The following TNS1 variants were observed in gnomAD, a reference collection of about 807,000 sequenced individuals.
The protein encoded by TNS1 is tensin-1.
In TNS1, 62 loss-of-function variants were observed where a neutral mutation model predicts 168.6. That is an observed-to-expected ratio of 0.37 (90% CI 0.30 to 0.45). The LOEUF is 0.45. TNS1 is among the 20% of genes least tolerant of loss of function. The pLI, the probability that TNS1 is intolerant of heterozygous loss-of-function variation, is 1.00. For missense variants in TNS1, 2,240 were observed against 2,339.4 expected (o/e 0.96, Z 0.88); for synonymous variants, 934 against 933.2 (o/e 1.00, Z -0.02).
Position 217,848,842 on chromosome 2 carries a change from G to A in TNS1, c.1675C>T (p.Pro559Ser). The A allele has an allele frequency of 6.2e-7, 1 of 1,614,016 alleles. No homozygotes were observed. The highest frequency in any genetic ancestry group is 8.5e-7 in the Non-Finnish European group (1 of 1,180,018). ...GASSATAALSPQEKRELDRLL... is the reference protein window; with the variant it reads ...GASSATAALSSQEKRELDRLL... ...CGGTCCAGCTCCCGCTTCTCCTGGG[G>A]ACTCAAGGCAGCAGTGGCACTGGAG... The change falls in exon 19 of 33, where the codon CCC becomes TCC. Residue 559 changes from proline (P) to serine (S), a missense_variant. Pro to Ser is a moderately conservative substitution (Grantham distance 74). This residue lies in a region of TNS1 where 2,131 missense variants were observed against 2,171.2 expected (regional missense o/e 0.98). Coordinates refer to ENST00000682258, the MANE Select transcript of TNS1 (RefSeq NM_001387777.1).
chr2:217,973,561 C>T (rs1957822437), intron 3 of TNS1, among the ~76,000 whole-genome samples: 1 of 152,124 alleles, frequency 6.6e-6, no homozygotes, highest in Non-Finnish European at 1.5e-5. Flanking sequence ...AGATTCCTGG[C>T]TCTGACCCAG....
Position 217,920,151 on chromosome 2 carries a change from G to C in TNS1, c.228+44C>G, listed in dbSNP as rs11883690. On this transcript the variant is annotated intron_variant, in intron 4 of 32. Coordinates refer to ENST00000682258, the MANE Select transcript of TNS1 (RefSeq NM_001387777.1). The stretch of plus-strand genomic sequence containing the variant: ...AAGCTGCAGCTGGGAGCTGCGGAGG[G>C]AGAGGAGGCAGGGCTTGCAGGGCAA... 3,325 of 702,994 alleles carry C rather than the reference G, an allele frequency of 4.7e-3. 75 individuals are homozygous for C. The African/African-American group carries it at 0.051, about 11-fold the overall frequency. The allele number at this position is 702,994 out of a possible 1,614,324, so 43.5% of individuals were successfully genotyped here. A position where few individuals can be genotyped will look rare whatever the true frequency, so the allele number is the denominator to read the frequency against.
intron 3 of TNS1, among the ~76,000 whole-genome samples, chr2:217,958,461 G>A (rs1046170130): frequency 5.3e-5 from 8 of 152,198 alleles, no homozygotes; most frequent in African/African-American, 9.7e-5. Flanking sequence ...GCACGCTGGC[G>A]GTGGGTGGGT....
intron 3 of TNS1, 124 bp from the exon 4 acceptor site, chr2:217,920,360 T>C (rs1410470086): frequency 1.5e-6 from 1 of 666,906 alleles, no homozygotes; most frequent in Non-Finnish European, 2.7e-6. Flanking sequence ...ACCTTCTGGG[T>C]TGAGAGTTCT....
chr2:217,853,108 A>G (rs6436016), intron 18 of TNS1, among the ~76,000 whole-genome samples: 7,332 of 152,010 alleles, frequency 0.048, 579 homozygotes, highest in African/African-American at 0.16. Flanking sequence ...TTCCCTTCTC[A>G]CCATCCACCA....
intron 4 of TNS1, among the ~76,000 whole-genome samples, chr2:217,916,145 G>T (rs1954977667): frequency 6.6e-6 from 1 of 152,176 alleles, no homozygotes; most frequent in African/African-American, 2.4e-5. Flanking sequence ...AAGCTCGGCA[G>T]ATATGAAGTT....
chr2:217,900,249 G>GACTC (rs964511170), intron 7 of TNS1, among the ~76,000 whole-genome samples: 2 of 152,230 alleles, frequency 1.3e-5, no homozygotes, highest in East Asian at 1.9e-4. Flanking sequence ...GGTAAATAAA[G>GACTC]ACTCAGCTCA....
intron 3 of TNS1, among the ~76,000 whole-genome samples, chr2:217,940,261 T>A (rs3791904): frequency 6.6e-6 from 1 of 152,054 alleles, no homozygotes; most frequent in African/African-American, 2.4e-5. Flanking sequence ...CCTCCACCCA[T>A]TTCTGATTTG....
intron 3 of TNS1, among the ~76,000 whole-genome samples, chr2:217,964,608 T>C (rs1957578022): frequency 6.6e-6 from 1 of 152,136 alleles, no homozygotes; most frequent in Non-Finnish European, 1.5e-5. Context: ...ATATAGGAGT[T>C]TTGGAAGCTG....
At chr2:217,909,106 C>T (rs959435091) in intron 4 of TNS1, among the ~76,000 whole-genome samples, 3 of 150,806 alleles carry the variant, frequency 2.0e-5, no homozygotes, top group Admixed American at 1.3e-4. Flanking sequence ...ACACCCCCTC[C>T]CCGCTAAAGC....
intron 4 of TNS1, among the ~76,000 whole-genome samples, chr2:217,910,833 C>A (rs527283713): frequency 6.6e-6 from 1 of 151,916 alleles, no homozygotes; most frequent in Non-Finnish European, 1.5e-5. Flanking sequence ...CCTCCATCCC[C>A]CTGTTTCACA....
At chr2:218,006,553 G>T (rs1054132280), upstream of TNS1, among the ~76,000 whole-genome samples, 2 of 152,230 alleles carry the variant, frequency 1.3e-5, no homozygotes, top group East Asian at 3.9e-4. Flanking sequence ...AGCTGGAAAG[G>T]TCTTCAAGCT....
chr2:218,030,512 G>T (rs570099713), intron 1 of TNS1, among the ~76,000 whole-genome samples: 3 of 152,238 alleles, frequency 2.0e-5, no homozygotes, highest in Non-Finnish European at 2.9e-5. Context: ...CCTATCCCCA[G>T]CCCCAAGCTC....
intron 18 of TNS1, among the ~76,000 whole-genome samples, chr2:217,852,079 A>G (rs548032958): frequency 1.1e-3 from 172 of 152,212 alleles, no homozygotes; most frequent in Non-Finnish European, 2.2e-3. Flanking sequence ...TGGGAGGCAG[A>G]GGTTGCAGTG....
At position 217,897,849 on chromosome 2, in the gene TNS1, G is replaced by T; in HGVS notation, c.492C>A (p.Asn164Lys). The T allele has an allele frequency of 6.2e-7, 1 of 1,613,138 alleles. No individual in the cohort carries two copies. The highest frequency in any genetic ancestry group is 8.5e-7 in the Non-Finnish European group (1 of 1,179,530). ...TGAGCATCTGCGCCACCTCACGGAG[G>T]TTGCTCCGGAAGTTCTCCTCATTGG... The part of the protein sequence containing the change: ...STANEENFRS[N>K]LREVAQMLKS... Residue 164 changes from asparagine (N) to lysine (K), a missense_variant, in exon 8 of 33, where the codon AAC (asparagine) becomes AAA (lysine). Around this residue, in one of 2 missense-constraint regions of TNS1, gnomAD observed 2,131 missense variants for 2,171.2 expected, o/e 0.98. Transcript: ENST00000682258.
At chr2:217,819,609 G>T (rs1201864161) in intron 23 of TNS1, among the ~76,000 whole-genome samples, 3 of 152,206 alleles carry the variant, frequency 2.0e-5, no homozygotes, top group Non-Finnish European at 4.4e-5. Context: ...GTCTAGGTCT[G>T]CATGGAGTGA....
rs1414018313 is a variant in TNS1 at position 217,964,780 on chromosome 2, G to A, written c.186+13985C>T. On this transcript the variant is annotated intron_variant, in intron 3 of 32. Coordinates refer to ENST00000682258, the MANE Select transcript of TNS1 (RefSeq NM_001387777.1). ...AACCCAGACACCCCTGGACACCCTCGCTTGGGTGCGCCGGGCCGCGCCAGA... is the reference window on the plus strand; with the variant it reads ...AACCCAGACACCCCTGGACACCCTCACTTGGGTGCGCCGGGCCGCGCCAGA... Among the ~76,000 whole-genome samples the A allele has an allele frequency of 7.2e-5, 11 of 152,296 alleles. No individual in the cohort carries two copies. The East Asian group carries it at 1.7e-3, about 24-fold the overall frequency.
chr2:217,871,010 C>A (rs988282549), intron 18 of TNS1, among the ~76,000 whole-genome samples: 9 of 152,272 alleles, frequency 5.9e-5, no homozygotes, highest in Non-Finnish European at 2.9e-5. Flanking sequence ...GCAAAAGAAC[C>A]GAGAATCCTC....
Position 217,980,403 on chromosome 2 carries a change from C to A in TNS1, c.149-1601G>T, listed in dbSNP as rs570596483. Among the ~76,000 whole-genome samples, 6 of 152,084 alleles carry A rather than the reference C, an allele frequency of 3.9e-5. No individual in the cohort carries two copies. In the East Asian group the frequency reaches 1.2e-3, roughly 30 times the overall value. On this transcript the variant is annotated intron_variant, in intron 2 of 32. Coordinates refer to ENST00000682258, the MANE Select transcript of TNS1 (RefSeq NM_001387777.1). ...TTCCCTCTTGGACACCAGCAGCCTC[C>A]CTTGCCCCACCCCATCCAAATAGAG...
Sources: gnomAD v4.1 joint callset for allele counts (sites outside exome capture counted in the v4.1 genomes callset) on GRCh38, gnomAD v4.1.1 for gene constraint, gnomAD v4.1.1 regional missense constraint, MANE v1.5 for transcripts, NCBI Gene and HGNC (gene_info 2026-07-23, HGNC 2026-07-21) for gene names.